CDK14: variants seen among roughly 807,000 people sequenced by gnomAD.
The protein encoded by CDK14 is cyclin-dependent kinase 14.
CDK14 carries 34 observed loss-of-function variants against 60.7 expected under a neutral mutation model. The observed-to-expected ratio is 0.56, with a 90% CI of 0.43 to 0.75. CDK14 has a LOEUF of 0.75. Among genes scored for constraint, CDK14 ranks in the 30% least tolerant of loss-of-function variants. The pLI is 0.00. For missense variants in CDK14, 482 were observed against 564.1 expected (o/e 0.85, Z 1.47); for synonymous variants, 197 against 203.7 (o/e 0.97, Z 0.28).
chr7:91,052,097 A>G (rs1025158205), intron 11 of CDK14, among the ~76,000 whole-genome samples: 1 of 152,326 alleles, frequency 6.6e-6, no homozygotes, highest in East Asian at 1.9e-4. Flanking sequence ...TCTAGCTGTC[A>G]AAGAGTACCC....
intron 14 of CDK14, among the ~76,000 whole-genome samples, chr7:91,134,548 A>G (rs546909236): frequency 6.6e-6 from 1 of 152,280 alleles, no homozygotes; most frequent in South Asian, 2.1e-4. Flanking sequence ...TGCAGAGTGC[A>G]AATAAATTTT....
At chr7:90,833,079 G>C (rs987615424) in intron 5 of CDK14, among the ~76,000 whole-genome samples, 11 of 152,102 alleles carry the variant, frequency 7.2e-5, no homozygotes, top group Admixed American at 7.2e-4. Flanking sequence ...GTGATATTGG[G>C]TTATTCAGAA....
At chr7:91,147,162 T>TCTCTCTCTCTCTCTCTCACA (rs1438870514) in intron 14 of CDK14, among the ~76,000 whole-genome samples, 6 of 124,746 alleles carry the variant, frequency 4.8e-5, no homozygotes, top group African/African-American at 2.0e-4. Flanking sequence ...TCTCTCTCTC[T>TCTCTCTCTCTCTCTCTCACA]CACACACACA....
chr7:90,944,833 T>G (rs981957156), intron 8 of CDK14, among the ~76,000 whole-genome samples: 8 of 152,284 alleles, frequency 5.3e-5, no homozygotes, highest in Non-Finnish European at 7.4e-5. Flanking sequence ...TTGCTGTGTT[T>G]ATCTGTTAAG....
At chr7:90,756,381 T>G (rs1804058411) in intron 4 of CDK14, among the ~76,000 whole-genome samples, 1 of 152,262 alleles carries the variant, frequency 6.6e-6, no homozygotes, top group Non-Finnish European at 1.5e-5. Flanking sequence ...AATTTTTCAT[T>G]TATTATGCCT....
intron 5 of CDK14, among the ~76,000 whole-genome samples, chr7:90,854,148 A>G (rs1015357016): frequency 2.0e-5 from 3 of 152,198 alleles, no homozygotes; most frequent in South Asian, 2.1e-4. Flanking sequence ...AGATGTGTAA[A>G]TCTTATGTGT....
At chr7:90,884,460 C>A (rs1286142816) in intron 6 of CDK14, among the ~76,000 whole-genome samples, 1 of 152,120 alleles carries the variant, frequency 6.6e-6, no homozygotes, top group Non-Finnish European at 1.5e-5. Flanking sequence ...GAAAAACATT[C>A]CATGCTCAAG....
At chr7:91,102,625 A>AG (rs1466551128) in intron 12 of CDK14, among the ~76,000 whole-genome samples, 2 of 152,098 alleles carry the variant, frequency 1.3e-5, no homozygotes, top group African/African-American at 4.8e-5. Flanking sequence ...TGTAAAAAAA[A>AG]AAAACCCTAA....
At chr7:91,059,912 C>G (rs896454130) in intron 11 of CDK14, among the ~76,000 whole-genome samples, 2 of 152,210 alleles carry the variant, frequency 1.3e-5, no homozygotes, top group Admixed American at 6.5e-5. Context: ...CTGTAGATGT[C>G]TATTAGGTCT....
chr7:90,880,485 A>G (rs1194299973), intron 6 of CDK14, among the ~76,000 whole-genome samples: 1 of 152,172 alleles, frequency 6.6e-6, no homozygotes, highest in Non-Finnish European at 1.5e-5. Flanking sequence ...TCTGCGGACC[A>G]GCAGACTTAG....
At chr7:90,998,895 AAAAT>A (rs57352513) in intron 10 of CDK14, among the ~76,000 whole-genome samples, 1 of 150,194 alleles carries the variant, frequency 6.7e-6, no homozygotes, top group Non-Finnish European at 1.5e-5. Flanking sequence ...TCTCAAAAAT[AAAAT>A]AAATAAATAA....
At chr7:90,968,689 A>T (rs1318913034) in intron 9 of CDK14, among the ~76,000 whole-genome samples, 1 of 152,178 alleles carries the variant, frequency 6.6e-6, no homozygotes, top group Non-Finnish European at 1.5e-5. Flanking sequence ...GGAAACCCCA[A>T]CAGATTAAAA....
chr7:90,843,333 T>C (rs962591432), intron 5 of CDK14, among the ~76,000 whole-genome samples: 2 of 152,212 alleles, frequency 1.3e-5, no homozygotes, highest in Non-Finnish European at 2.9e-5. Flanking sequence ...AAAGTAGTGA[T>C]TTATCTTGAT....
chr7:90,726,612 T>C lies in CDK14; in HGVS notation c.169T>C (p.Ser57Pro). 6.2e-7 allele frequency: 1 copy of C among 1,613,646 alleles called. No individual in the cohort carries two copies. Among genetic ancestry groups the C allele is most frequent in the Non-Finnish European group, 8.5e-7 (1 of 1,179,636 alleles). The stretch of plus-strand genomic sequence containing the variant: ...TACACGGAACTGCCAGGGAATGGAC[T>C]CAGTGATCAAACCCCTGGACACAAT... ...MSTRNCQGMDSVIKPLDTIPE... is the reference protein window; with the variant it reads ...MSTRNCQGMDPVIKPLDTIPE... Residue 57 changes from serine to proline, a missense_variant, in exon 3 of 15, where the codon TCA (serine) becomes CCA (proline). Transcript: ENST00000380050.
chr7:90,928,728 G>A (rs1584134240), intron 8 of CDK14, among the ~76,000 whole-genome samples: 1 of 152,196 alleles, frequency 6.6e-6, no homozygotes, highest in Non-Finnish European at 1.5e-5. Flanking sequence ...CATGCTGGGA[G>A]AACCACTACT....
At chr7:90,699,113 G>A (rs1030759425) in intron 2 of CDK14, among the ~76,000 whole-genome samples, 8 of 152,218 alleles carry the variant, frequency 5.3e-5, no homozygotes, top group African/African-American at 1.9e-4. Flanking sequence ...AAAGCAAATT[G>A]CAAAGTCAAT....
chr7:90,943,086 T>C (rs1222607791), intron 8 of CDK14, among the ~76,000 whole-genome samples: 7 of 152,206 alleles, frequency 4.6e-5, no homozygotes, highest in Admixed American at 4.6e-4. Context: ...AAGCCTGATA[T>C]TTCTGTGGTT....
At chr7:91,098,085 C>A (rs1799048149) in intron 12 of CDK14, among the ~76,000 whole-genome samples, 1 of 152,210 alleles carries the variant, frequency 6.6e-6, no homozygotes, top group Non-Finnish European at 1.5e-5. Context: ...GGATGCTCAA[C>A]TATTCAGCAG....
chr7:91,058,533 G>A (rs1429350672), intron 11 of CDK14, among the ~76,000 whole-genome samples: 2 of 152,182 alleles, frequency 1.3e-5, no homozygotes, highest in Non-Finnish European at 2.9e-5. Context: ...GTATGATATT[G>A]GCTGTGGGTT....
Sources: allele counts gnomAD v4.1 joint callset (sites outside exome capture counted in the v4.1 genomes callset), GRCh38; gene constraint gnomAD v4.1.1; transcripts MANE v1.5; gene names NCBI Gene and HGNC (gene_info 2026-07-23, HGNC 2026-07-21).